KCNQ5: variants seen among roughly 807,000 people sequenced by gnomAD.
KCNQ5 encodes potassium voltage-gated channel subfamily Q member 5.
Under a neutral mutation model 98.2 loss-of-function variants are expected in KCNQ5, and 30 were observed. The ratio of observed to expected loss-of-function variants is 0.31; its 90% CI spans 0.23 to 0.41. The LOEUF (loss-of-function observed/expected upper bound fraction) is 0.41. Among genes scored for constraint, KCNQ5 ranks in the 10% least tolerant of loss-of-function variants. KCNQ5 has a pLI of 1.00. For missense variants in KCNQ5, 835 were observed against 1,182.5 expected, an observed-to-expected ratio of 0.71 and a Z score of 4.31; for synonymous variants, 458 against 449.4, an observed-to-expected ratio of 1.02 and a Z score of -0.24.
chr6:72,834,292 T>C (rs942648448), intron 1 of KCNQ5, among the ~76,000 whole-genome samples: 2 of 152,136 alleles, frequency 1.3e-5, no homozygotes, highest in African/African-American at 4.8e-5. Context: ...GACTGCAAAG[T>C]AACAACTCTA....
At chr6:72,959,686 T>C (rs1454124424) in intron 1 of KCNQ5, among the ~76,000 whole-genome samples, 1 of 152,242 alleles carries the variant, frequency 6.6e-6, no homozygotes. Context: ...AATCACACTG[T>C]CTCATTTTAG....
chr6:72,978,300 A>G (rs1253168395), intron 1 of KCNQ5, among the ~76,000 whole-genome samples: 1 of 152,262 alleles, frequency 6.6e-6, no homozygotes. Context: ...TGCAAAAGCA[A>G]GAACCTGACT....
intron 1 of KCNQ5, among the ~76,000 whole-genome samples, chr6:72,671,182 C>A (rs907516213): frequency 6.6e-6 from 1 of 152,152 alleles, no homozygotes; most frequent in African/African-American, 2.4e-5. Context: ...TCTTTTGGAG[C>A]TCTCAGATTT....
At chr6:73,101,571 A>G (rs1774775230) in intron 5 of KCNQ5, among the ~76,000 whole-genome samples, 2 of 152,200 alleles carry the variant, frequency 1.3e-5, no homozygotes, top group South Asian at 4.1e-4. Flanking sequence ...AGAATACAAA[A>G]TAAAATACAA....
intron 1 of KCNQ5, among the ~76,000 whole-genome samples, chr6:72,757,675 T>A (rs1414726885): frequency 6.6e-6 from 1 of 152,140 alleles, no homozygotes; most frequent in African/African-American, 2.4e-5. Flanking sequence ...CATGGTGTCA[T>A]AAAGTCAAAA....
chr6:72,823,816 A>G (rs951840191), intron 1 of KCNQ5, among the ~76,000 whole-genome samples: 2 of 152,192 alleles, frequency 1.3e-5, no homozygotes, highest in Admixed American at 6.5e-5. Flanking sequence ...AACCAAATAT[A>G]TATGGATAGT....
intron 10 of KCNQ5, among the ~76,000 whole-genome samples, chr6:73,150,556 A>G (rs1354743498): frequency 1.3e-5 from 2 of 148,580 alleles, no homozygotes; most frequent in East Asian, 3.9e-4. Context: ...CAGCTGAATA[A>G]TATTCCGTAG....
At chr6:73,147,768 G>T (rs1194581899) in intron 10 of KCNQ5, among the ~76,000 whole-genome samples, 1 of 152,050 alleles carries the variant, frequency 6.6e-6, no homozygotes, top group Non-Finnish European at 1.5e-5. Context: ...AATAAAAATT[G>T]TTTGGGGGTT....
intron 3 of KCNQ5, among the ~76,000 whole-genome samples, chr6:73,045,581 T>C (rs1393802965): frequency 6.6e-6 from 1 of 152,212 alleles, no homozygotes; most frequent in Non-Finnish European, 1.5e-5. Flanking sequence ...GATTTCTCTA[T>C]GTGAAAACAC....
chr6:72,872,549 T>G (rs907756729), intron 1 of KCNQ5, among the ~76,000 whole-genome samples: 4 of 152,126 alleles, frequency 2.6e-5, no homozygotes, highest in Non-Finnish European at 5.9e-5. Flanking sequence ...CATTTAAACC[T>G]CTCAAAAGCT....
intron 1 of KCNQ5, among the ~76,000 whole-genome samples, chr6:72,965,985 C>T (rs1215737374): frequency 6.6e-6 from 1 of 152,138 alleles, no homozygotes; most frequent in Non-Finnish European, 1.5e-5. Flanking sequence ...GGTTAAAGTG[C>T]CTGCCCAAGG....
rs980487083 is a variant in KCNQ5, at chr6:73,157,638, T to G, written c.1469-12108T>G. ...GCTGGGTAGGTGAACGCAGCATGGG[T>G]GATGGCTGGGGTCAGCTCTGTGGTG... On this transcript the variant is annotated intron_variant, in intron 10 of 13. Transcript: ENST00000370398. The G allele has an allele frequency of 1.8e-5, 14 of 773,760 alleles. No homozygotes were observed. In the African/African-American group the frequency reaches 2.2e-4, roughly 12 times the overall value. The allele number at this position is 773,760 out of a possible 1,614,324, so 47.9% of individuals were successfully genotyped here. A position where few individuals can be genotyped will look rare whatever the true frequency, so the allele number is the denominator to read the frequency against.
At chr6:73,068,769 C>T (rs9293918) in intron 3 of KCNQ5, among the ~76,000 whole-genome samples, 147,773 of 152,262 alleles carry the variant, frequency 0.97, 71,854 homozygotes, top group Middle Eastern at 1. Context: ...TTTTATACTG[C>T]TACTAATAGT....
chr6:73,060,949 T>C (rs1215627213), intron 3 of KCNQ5, among the ~76,000 whole-genome samples: 1 of 152,146 alleles, frequency 6.6e-6, no homozygotes, highest in East Asian at 1.9e-4. Flanking sequence ...AGTGTCAATA[T>C]CTACCAAAAT....
At chr6:73,049,779 C>T (rs532843060) in intron 3 of KCNQ5, among the ~76,000 whole-genome samples, 16 of 152,206 alleles carry the variant, frequency 1.1e-4, no homozygotes, top group African/African-American at 3.6e-4. Flanking sequence ...TTATTTTCCT[C>T]ACTTTGAAAC....
chr6:72,948,596 A>T (rs1395133078), intron 1 of KCNQ5, among the ~76,000 whole-genome samples: 1 of 152,158 alleles, frequency 6.6e-6, no homozygotes, highest in East Asian at 1.9e-4. Flanking sequence ...ATTTTTCTAT[A>T]CTTAAACCTA....
At chr6:72,867,585 A>G (rs2995346) in intron 1 of KCNQ5, among the ~76,000 whole-genome samples, 40,921 of 152,098 alleles carry the variant, frequency 0.27, 5,686 homozygotes, top group Non-Finnish European at 0.29. Context: ...GAAGGAACTC[A>G]AGATGTTTAA....
chr6:73,041,057 A>G (rs1771663688), intron 2 of KCNQ5, among the ~76,000 whole-genome samples: 1 of 152,226 alleles, frequency 6.6e-6, no homozygotes, highest in Non-Finnish European at 1.5e-5. Context: ...CAAGAAAGTG[A>G]ATTATTTTTT....
intron 8 of KCNQ5, among the ~76,000 whole-genome samples, chr6:73,121,811 C>T (rs367596971): frequency 2.0e-5 from 3 of 152,124 alleles, no homozygotes; most frequent in African/African-American, 7.2e-5. Flanking sequence ...CCTGTTCTGC[C>T]CTTGGCCTCA....
Sources: allele counts gnomAD v4.1 joint callset (sites outside exome capture counted in the v4.1 genomes callset), GRCh38; gene constraint gnomAD v4.1.1; transcripts MANE v1.5; gene names NCBI Gene and HGNC (gene_info 2026-07-23, HGNC 2026-07-21).